Variants in GRIP1 observed in about 807,000 individuals in gnomAD.
The protein encoded by GRIP1 is glutamate receptor interacting protein 1.
Under a neutral mutation model 129.9 loss-of-function variants are expected in GRIP1, and 45 were observed. The observed-to-expected ratio is 0.35, with a 90% confidence interval of 0.27 to 0.44. GRIP1 has a LOEUF of 0.44. GRIP1 is among the 20% of genes least tolerant of loss of function. GRIP1 has a pLI of 1.00. For missense variants in GRIP1, 1,196 were observed against 1,396.8 expected (o/e 0.86, Z 2.29); for synonymous variants, 530 against 520.8 (o/e 1.02, Z -0.24).
chr12:66,890,240 C>T (rs1194185971), intron 1 of GRIP1, among the ~76,000 whole-genome samples: 1 of 152,112 alleles, frequency 6.6e-6, no homozygotes, highest in Non-Finnish European at 1.5e-5. Flanking sequence ...GCTCAGAGAA[C>T]TTAAAATGCT....
intron 7 of GRIP1, among the ~76,000 whole-genome samples, chr12:66,498,597 T>C (rs2060303934): frequency 6.6e-6 from 1 of 152,136 alleles, no homozygotes; most frequent in Non-Finnish European, 1.5e-5. Context: ...TTGAACATCA[T>C]AGGAACTTAG....
At chr12:66,618,744 T>A (rs966802650) in intron 1 of GRIP1, among the ~76,000 whole-genome samples, 3 of 152,126 alleles carry the variant, frequency 2.0e-5, no homozygotes, top group Admixed American at 2.0e-4. Flanking sequence ...CACTAATGCA[T>A]GTTGTGAATG....
intron 1 of GRIP1, among the ~76,000 whole-genome samples, chr12:66,674,736 G>C (rs1421936028): frequency 6.6e-6 from 1 of 152,144 alleles, no homozygotes; most frequent in Non-Finnish European, 1.5e-5. Flanking sequence ...GTAAGTGTAA[G>C]GAACAATGAC....
At chr12:66,938,870 T>G (rs1171251945) in intron 1 of GRIP1, among the ~76,000 whole-genome samples, 1 of 152,060 alleles carries the variant, frequency 6.6e-6, no homozygotes, top group East Asian at 1.9e-4. Flanking sequence ...GGCAGGAGAA[T>G]TGCTTGAACC....
chr12:67,060,078 A>G (rs994653494), intron 1 of GRIP1, among the ~76,000 whole-genome samples: 2 of 152,238 alleles, frequency 1.3e-5, no homozygotes, highest in African/African-American at 4.8e-5. Context: ...AGAGTGTAAG[A>G]AGAACAAATG....
intron 1 of GRIP1, among the ~76,000 whole-genome samples, chr12:66,774,026 TAAA>T (rs534892189): frequency 6.8e-6 from 1 of 146,066 alleles, no homozygotes; most frequent in Admixed American, 6.8e-5. Context: ...AGATGGGAGT[TAAA>T]AAAAAAAAGT....
rs761155485 is a variant in GRIP1, at chr12:66,715,471, T to TGTGTGTGTGTGA, written c.-419-85136_-419-85135insTCACACACACAC. 4.3e-3 allele frequency among the ~76,000 whole-genome samples: 472 copies of TGTGTGTGTGTGA among 110,082 alleles called. 1 individual carries two copies. The highest frequency in any genetic ancestry group is 8.1e-3 in the East Asian group (32 of 3,948). 72.2% of individuals were successfully genotyped at this position (110,082 alleles called of 152,430 possible). A position where few individuals can be genotyped will look rare whatever the true frequency, so the allele number is the denominator to read the frequency against. ...AGCTTGATGTGTGTGTGTGTGTGTG[T>TGTGTGTGTGTGA]GAGAGAGAGAGAGAGAGAGAGAGAG... On this transcript the variant is annotated intron_variant, in intron 1 of 4. Coordinates refer to the GRIP1 transcript ENST00000538373.
intron 5 of GRIP1, among the ~76,000 whole-genome samples, chr12:66,525,289 C>A (rs1175441195): frequency 6.6e-6 from 1 of 151,386 alleles, no homozygotes; most frequent in East Asian, 1.9e-4. Flanking sequence ...CAATAAAATA[C>A]TGGCAAACCA....
At position 66,377,008 on chromosome 12, in the gene GRIP1, G is replaced by A. The variant is rs748003420; in HGVS notation, c.2778+9C>T. ...CACAAGCAAAAATATAAACATAAAGGGTAGCTACCAAGAGAGTCATGTTTC... is the reference window on the plus strand; with the variant it reads ...CACAAGCAAAAATATAAACATAAAGAGTAGCTACCAAGAGAGTCATGTTTC... On this transcript the variant is annotated intron_variant, in intron 22 of 24. Coordinates refer to ENST00000359742, the MANE Select transcript of GRIP1 (RefSeq NM_001366722.1). 6 of 1,599,044 alleles carry A rather than the reference G, an allele frequency of 3.8e-6. No homozygotes were observed. Among genetic ancestry groups the A allele is most frequent in the Non-Finnish European group, 4.3e-6 (5 of 1,166,236 alleles).
upstream of GRIP1, among the ~76,000 whole-genome samples, chr12:66,682,264 G>C (rs914624758): frequency 2.0e-5 from 3 of 152,100 alleles, no homozygotes; most frequent in Non-Finnish European, 2.9e-5. Flanking sequence ...CATGGTTCTA[G>C]GACCACCCTG....
chr12:66,689,818 C>T (rs1458120099), intron 1 of GRIP1, among the ~76,000 whole-genome samples: 2 of 152,092 alleles, frequency 1.3e-5, no homozygotes, highest in Admixed American at 6.6e-5. Context: ...TCAACATCTC[C>T]CCATTTCCCC....
At chr12:66,870,993 C>T (rs1470358833) in intron 1 of GRIP1, among the ~76,000 whole-genome samples, 1 of 152,002 alleles carries the variant, frequency 6.6e-6, no homozygotes, top group Non-Finnish European at 1.5e-5. Context: ...CCATTTATAG[C>T]CTGTGTGACC....
At chr12:66,696,135 T>TG (rs1565973012) in intron 1 of GRIP1, among the ~76,000 whole-genome samples, 2 of 149,050 alleles carry the variant, frequency 1.3e-5, no homozygotes, top group African/African-American at 4.9e-5. Context: ...CAAAACCCCA[T>TG]TTTTTTTTTA....
intron 1 of GRIP1, among the ~76,000 whole-genome samples, chr12:66,933,884 A>C (rs2041441225): frequency 6.6e-6 from 1 of 152,156 alleles, no homozygotes; most frequent in African/African-American, 2.4e-5. Flanking sequence ...GTACTCAGGG[A>C]ACCCTTTTTT....
chr12:66,580,024 A>T (rs1372417984), intron 2 of GRIP1, among the ~76,000 whole-genome samples: 4 of 148,828 alleles, frequency 2.7e-5, no homozygotes, highest in East Asian at 2.0e-4. Flanking sequence ...CGGGTTACCC[A>T]CAAAGGGAAG....
chr12:66,844,733 AAT>A (rs1229903866), intron 1 of GRIP1, among the ~76,000 whole-genome samples: 2 of 152,254 alleles, frequency 1.3e-5, no homozygotes, highest in African/African-American at 4.8e-5. Flanking sequence ...ACTGCCAAAT[AAT>A]ATGTGTACAT....
At chr12:66,632,885 T>TA in intron 1 of GRIP1, among the ~76,000 whole-genome samples, 1 of 152,236 alleles carries the variant, frequency 6.6e-6, no homozygotes, top group Non-Finnish European at 1.5e-5. Flanking sequence ...CTATAATCCT[T>TA]ATGAATTGGG....
chr12:66,623,131 C>A (rs2065347679), intron 1 of GRIP1, among the ~76,000 whole-genome samples: 1 of 152,016 alleles, frequency 6.6e-6, no homozygotes, highest in Non-Finnish European at 1.5e-5. Context: ...AATAGCCTTG[C>A]CAAAAGTTTT....
intron 1 of GRIP1, among the ~76,000 whole-genome samples, chr12:66,901,773 A>G (rs1485540089): frequency 6.6e-6 from 1 of 152,166 alleles, no homozygotes. Flanking sequence ...CAGGCAAGAG[A>G]CACGGAGCAA....
Sources: gnomAD v4.1 joint callset for allele counts (sites outside exome capture counted in the v4.1 genomes callset) on GRCh38, gnomAD v4.1.1 for gene constraint, MANE v1.5 for transcripts, NCBI Gene and HGNC (gene_info 2026-07-23, HGNC 2026-07-21) for gene names.